Variants in SUZ12 observed in about 807,000 individuals in gnomAD.
SUZ12 encodes the protein polycomb protein SUZ12.
SUZ12 carries 17 observed loss-of-function variants against 87.3 expected under a neutral mutation model. That is an observed-to-expected ratio of 0.19 (90% confidence interval 0.13 to 0.29). The LOEUF (loss-of-function observed/expected upper bound fraction) is 0.29. Among genes scored for constraint, SUZ12 ranks in the 10% least tolerant of loss-of-function variants. The pLI, the probability that SUZ12 is intolerant of heterozygous loss-of-function variation, is 1.00. For missense variants in SUZ12, 526 were observed against 912.2 expected (o/e 0.58, Z 5.45); for synonymous variants, 253 against 312.4 (o/e 0.81, Z 2.01).
intron 9 of SUZ12, among the ~76,000 whole-genome samples, chr17:31,985,754 C>G (rs1909372395): frequency 6.6e-6 from 1 of 151,782 alleles, no homozygotes; most frequent in Non-Finnish European, 1.5e-5. Flanking sequence ...CCTCCGCCTC[C>G]CGGGTTCAAG....
At chr17:31,980,502 C>CGCAAAG (rs1174571802) in intron 8 of SUZ12, among the ~76,000 whole-genome samples, 2 of 125,998 alleles carry the variant, frequency 1.6e-5, no homozygotes, top group Admixed American at 2.1e-4. Context: ...CAGGCTGGAG[C>CGCAAAG]GCAAAGGCAC....
At chr17:31,971,177 C>G (rs1908406216) in intron 5 of SUZ12, among the ~76,000 whole-genome samples, 1 of 152,148 alleles carries the variant, frequency 6.6e-6, no homozygotes, top group Non-Finnish European at 1.5e-5. Context: ...AAAAATAGCT[C>G]TGATAGCTCT....
chr17:31,983,975 A>G lies in SUZ12; in HGVS notation c.1023+871A>G, dbSNP rs554112361. 2.0e-5 allele frequency among the ~76,000 whole-genome samples: 3 copies of G among 152,352 alleles called. No homozygotes were observed. The South Asian group carries it at 6.2e-4, about 32-fold the overall frequency. The stretch of plus-strand genomic sequence containing the variant: ...CTTTTATTTCTAAATATGTTAGATC[A>G]GTGTTACCATCCAATGCAAAATCTC... On this transcript the variant is annotated intron_variant, in intron 9 of 15. Transcript: ENST00000322652.
chr17:31,977,617 G>A (rs1263314169), intron 8 of SUZ12, among the ~76,000 whole-genome samples: 3 of 152,166 alleles, frequency 2.0e-5, no homozygotes, highest in East Asian at 2.0e-4. Context: ...AAGGCCGGGC[G>A]CAGTGGCTCA....
At chr17:31,989,643 G>T (rs925971635) in intron 10 of SUZ12, among the ~76,000 whole-genome samples, 13 of 151,904 alleles carry the variant, frequency 8.6e-5, no homozygotes, top group Admixed American at 2.0e-4. Flanking sequence ...CTGTTGCCCA[G>T]ACTGGAGTGC....
At chr17:31,962,619 C>G (rs1469809494) in intron 4 of SUZ12, among the ~76,000 whole-genome samples, 1 of 152,198 alleles carries the variant, frequency 6.6e-6, no homozygotes, top group Non-Finnish European at 1.5e-5. Flanking sequence ...TTAAGCCTCA[C>G]ACTCTCTGTG....
At chr17:31,981,463 A>C (rs1425146035) in intron 8 of SUZ12, among the ~76,000 whole-genome samples, 2 of 152,222 alleles carry the variant, frequency 1.3e-5, no homozygotes, top group Non-Finnish European at 2.9e-5. Context: ...GTCTCCACAT[A>C]CATTACAGAT....
At chr17:31,974,318 A>C (rs1908612578) in intron 6 of SUZ12, among the ~76,000 whole-genome samples, 1 of 152,196 alleles carries the variant, frequency 6.6e-6, no homozygotes, top group Non-Finnish European at 1.5e-5. Flanking sequence ...GCAGATCACG[A>C]GGTCAGGAGA....
intron 4 of SUZ12, among the ~76,000 whole-genome samples, chr17:31,950,992 G>C (rs2142134411): frequency 6.6e-6 from 1 of 152,190 alleles, no homozygotes; most frequent in East Asian, 1.9e-4. Context: ...GTGTTAGCCA[G>C]GATGGTCTCG....
chr17:31,953,720 T>G (rs1408211741), intron 4 of SUZ12, among the ~76,000 whole-genome samples: 1 of 150,904 alleles, frequency 6.6e-6, no homozygotes, highest in East Asian at 1.9e-4. Flanking sequence ...AATTTTTTTT[T>G]TTTTTTTTTT....
chr17:31,997,706 C>T (rs1396537448), intron 15 of SUZ12, among the ~76,000 whole-genome samples: 1 of 150,226 alleles, frequency 6.7e-6, no homozygotes, highest in Admixed American at 6.6e-5. Flanking sequence ...TGGTGGGACC[C>T]ACGACCAGGG....
At chr17:31,956,250 C>T (rs8078107) in intron 4 of SUZ12, among the ~76,000 whole-genome samples, 7,086 of 151,864 alleles carry the variant, frequency 0.047, 530 homozygotes, top group African/African-American at 0.16. Context: ...CTCACTCTGT[C>T]GCCAGCAGTC....
In SUZ12 at chr17:31,966,113, C is replaced by A. The variant is rs200797536; in HGVS notation, c.456-34C>A. On this transcript the variant is annotated intron_variant, in intron 4 of 15. Coordinates refer to ENST00000322652, the MANE Select transcript of SUZ12 (RefSeq NM_015355.4). ...TAGGTTATTTTACTACAGAGCATTA[C>A]AATGATAAAATATTTCCTTTTTTTT... 4.8e-4 allele frequency: 730 copies of A among 1,535,796 alleles called. 1 individual carries two copies. The highest frequency in any genetic ancestry group is 1.4e-3 in the Admixed American group (68 of 47,268).
rs757822745 is a variant in SUZ12 at position 31,937,379 on chromosome 17, A to G, written c.133A>G (p.Ser45Gly). 193 of 1,509,454 alleles carry G rather than the reference A, an allele frequency of 1.3e-4. No individual in the cohort carries two copies. The highest frequency in any genetic ancestry group is 6.2e-4 in the East Asian group (22 of 35,642). The allele number at this position is 1,509,454 out of a possible 1,614,324, so 93.5% of individuals were successfully genotyped here. Residue 45 changes from serine (S) to glycine (G), a missense_variant, in exon 1 of 16, where the codon AGC becomes GGC. Around this residue, in one of 9 missense-constraint regions of SUZ12, gnomAD observed 92 missense variants for 109.9 expected, o/e 0.84. Transcript: ENST00000322652. Reference sequence around the variant, plus strand: ...TTCGGGCGGCAAATCCGGCGGCGGGAGCTGTGGAGGGGGTGGCAGTTACTC... The same window carrying G: ...TTCGGGCGGCAAATCCGGCGGCGGGGGCTGTGGAGGGGGTGGCAGTTACTC... The part of the protein sequence containing the change: ...TASGGKSGGG[S>G]CGGGGSYSAS...
intron 4 of SUZ12, among the ~76,000 whole-genome samples, chr17:31,956,973 A>G (rs1000427793): frequency 1.3e-5 from 2 of 152,082 alleles, no homozygotes; most frequent in Non-Finnish European, 2.9e-5. Context: ...ACTAGTTTTC[A>G]CTGTGTTAGC....
chr17:31,940,631 G>T (rs749596726), intron 3 of SUZ12, 145 bp downstream of exon 3: 9 of 1,348,114 alleles, frequency 6.7e-6, no homozygotes, highest in Non-Finnish European at 7.9e-6. Flanking sequence ...AAGTGAGAGA[G>T]TGACTGGTTG....
chr17:31,946,744 A>G (rs574461406), intron 3 of SUZ12, among the ~76,000 whole-genome samples: 1 of 152,200 alleles, frequency 6.6e-6, no homozygotes, highest in South Asian at 2.1e-4. Flanking sequence ...AGATTTTTAG[A>G]CTCTTATCTC....
intron 4 of SUZ12, among the ~76,000 whole-genome samples, chr17:31,948,356 A>C (rs1396329805): frequency 6.6e-6 from 1 of 152,172 alleles, no homozygotes; most frequent in Non-Finnish European, 1.5e-5. Flanking sequence ...TTTTGATAGA[A>C]AATTGAATAT....
At chr17:31,983,189 T>C in intron 9 of SUZ12, 85 bp downstream of exon 9, 6 of 1,372,282 alleles carry the variant, frequency 4.4e-6, no homozygotes, top group Admixed American at 2.1e-5. Flanking sequence ...TGCTAATTCA[T>C]GTTGGAAGTA....
Sources: gnomAD v4.1 joint callset for allele counts (sites outside exome capture counted in the v4.1 genomes callset) on GRCh38, gnomAD v4.1.1 for gene constraint, gnomAD v4.1.1 regional missense constraint, MANE v1.5 for transcripts, NCBI Gene and HGNC (gene_info 2026-07-23, HGNC 2026-07-21) for gene names.